TARS3: variants seen among roughly 807,000 people sequenced by gnomAD.
The protein encoded by TARS3 is threonine--tRNA ligase 2, cytoplasmic.
A neutral mutation model predicts 103.5 loss-of-function variants in TARS3; 94 were observed. That is an observed-to-expected ratio of 0.91 (90% CI 0.77 to 1.08). The LOEUF is 1.08. Among genes scored for constraint, TARS3 ranks in the 50% least tolerant of loss-of-function variants. The pLI, the probability that TARS3 is intolerant of heterozygous loss-of-function variation, is 0.00. For synonymous variants in TARS3, 416 were observed against 355.4 expected, an observed-to-expected ratio of 1.17 and a Z score of -1.92; for missense variants, 952 against 995.2, an observed-to-expected ratio of 0.96 and a Z score of 0.58.
intron 5 of TARS3, among the ~76,000 whole-genome samples, chr15:101,711,569 C>T (rs1254690688): frequency 2.0e-5 from 3 of 152,124 alleles, no homozygotes; most frequent in African/African-American, 7.2e-5. Context: ...TTTTCTCTTC[C>T]TTATGATTTT....
chr15:101,698,623 C>G (rs1426306047), intron 10 of TARS3, among the ~76,000 whole-genome samples: 2 of 152,132 alleles, frequency 1.3e-5, no homozygotes, highest in South Asian at 4.1e-4. Flanking sequence ...TCCTCAAGCA[C>G]CATTTTACAA....
chr15:101,678,475 T>C (rs1184290196), intron 12 of TARS3, among the ~76,000 whole-genome samples: 1 of 152,080 alleles, frequency 6.6e-6, no homozygotes, highest in Non-Finnish European at 1.5e-5. Context: ...AATTTATCTA[T>C]AGGTTCTCTT....
rs538558173 is a variant in TARS3, at chr15:101,712,830, T to C, written c.691-829A>G. ...AGCAAGTTACAATTAAAAAGCTGTT[T>C]GATAAAATGAATCAGGGCAGAAGGA... On this transcript the variant is annotated intron_variant, in intron 4 of 18. Coordinates refer to ENST00000335968, the MANE Select transcript of TARS3 (RefSeq NM_152334.3). Among the ~76,000 whole-genome samples, 4 of 152,348 alleles carry C rather than the reference T, an allele frequency of 2.6e-5. No homozygotes were observed. In the South Asian group the frequency reaches 8.3e-4, roughly 32 times the overall value.
At chr15:101,722,566 G>A (rs1017211409) in intron 2 of TARS3, among the ~76,000 whole-genome samples, 1 of 147,502 alleles carries the variant, frequency 6.8e-6, no homozygotes, top group African/African-American at 2.5e-5. Flanking sequence ...CAGCACTTTG[G>A]GAAGCCAAGG....
intron 6 of TARS3, 57 bp from the exon 7 acceptor site, chr15:101,705,804 A>G (rs571192449): frequency 7.3e-7 from 1 of 1,371,446 alleles, no homozygotes; most frequent in Non-Finnish European, 1.0e-6. Flanking sequence ...TGAAGAAAAC[A>G]ACTCTACTTT....
chr15:101,708,842 G>C lies in TARS3; in HGVS notation c.881C>G (p.Pro294Arg). ...ICKAIIKEKQ[P>R]FERLEVSKEI... ...CTTGCTGACTTCTAGTCTTTCAAAA[G>C]GTTGCTTTTCTTTTATGATGGCTTT... The change falls in exon 6 of 19, where the codon CCT becomes CGT. Residue 294 changes from proline to arginine, a missense_variant. Physicochemically the swap from Pro to Arg is moderately radical, Grantham distance 103. Transcript: ENST00000335968. 6.2e-7 allele frequency: 1 copy of C among 1,613,596 alleles called. No individual in the cohort carries two copies. The highest frequency in any genetic ancestry group is 2.2e-5 in the East Asian group (1 of 44,838).
chr15:101,720,132 G>A (rs746242687), intron 3 of TARS3, among the ~76,000 whole-genome samples: 1 of 152,200 alleles, frequency 6.6e-6, no homozygotes, highest in African/African-American at 2.4e-5. Context: ...GGCTGGGAGA[G>A]CATTTAACAA....
intron 12 of TARS3, among the ~76,000 whole-genome samples, chr15:101,676,980 C>T (rs1401453208): frequency 6.6e-6 from 1 of 152,124 alleles, no homozygotes; most frequent in Non-Finnish European, 1.5e-5. Flanking sequence ...CTCCGACAGG[C>T]CCCAGTGTGT....
chr15:101,683,093 T>A (rs1221047665), intron 12 of TARS3, among the ~76,000 whole-genome samples: 1 of 152,176 alleles, frequency 6.6e-6, no homozygotes, highest in Non-Finnish European at 1.5e-5. Flanking sequence ...TTTTACTCTT[T>A]ATTTTCTATT....
Position 101,714,883 on chromosome 15 carries a change from G to A in TARS3, c.647C>T (p.Ser216Phe). 6.2e-7 allele frequency: 1 copy of A among 1,613,310 alleles called. No individual in the cohort carries two copies. The highest frequency in any genetic ancestry group is 8.5e-7 in the Non-Finnish European group (1 of 1,179,574). The change falls in exon 4 of 19, where the codon TCT (serine) becomes TTT (phenylalanine). Residue 216 changes from serine to phenylalanine, a missense_variant. By Grantham distance (155) the Ser-to-Phe change is radical. Coordinates refer to ENST00000335968, the MANE Select transcript of TARS3 (RefSeq NM_152334.3). ...WDLDRPLEGD[S>F]SLELLTFDNE... Reference sequence around the variant, plus strand: ...ATCAAATGTAAGCAGCTCTAGAGAAGAGTCCCCTTCCAATGGGCGGTCCAG... The same window carrying A: ...ATCAAATGTAAGCAGCTCTAGAGAAAAGTCCCCTTCCAATGGGCGGTCCAG...
At chr15:101,661,176 A>T (rs1456576872) in intron 16 of TARS3, among the ~76,000 whole-genome samples, 1 of 152,004 alleles carries the variant, frequency 6.6e-6, no homozygotes, top group Non-Finnish European at 1.5e-5. Flanking sequence ...AAAATTCTGC[A>T]CTTTAGGACA....
intron 8 of TARS3, 69 bp from the exon 9 acceptor site, chr15:101,702,454 C>G: frequency 7.5e-7 from 1 of 1,326,272 alleles, no homozygotes; most frequent in Non-Finnish European, 1.1e-6. Context: ...CTCTTAAATA[C>G]AAATGCAATT....
At chr15:101,713,827 G>A (rs969485012) in intron 4 of TARS3, among the ~76,000 whole-genome samples, 2 of 152,174 alleles carry the variant, frequency 1.3e-5, no homozygotes, top group Non-Finnish European at 2.9e-5. Flanking sequence ...AGCTATGGCT[G>A]GAGAGTTGTG....
At chr15:101,712,090 T>A in intron 4 of TARS3, 89 bp from the exon 5 acceptor site, 1 of 1,426,580 alleles carries the variant, frequency 7.0e-7, no homozygotes, top group Non-Finnish European at 9.4e-7. Context: ...TAGAAAATTT[T>A]AAGGAGATAC....
At chr15:101,674,509 C>T (rs549244640) in intron 13 of TARS3, among the ~76,000 whole-genome samples, 1 of 152,280 alleles carries the variant, frequency 6.6e-6, no homozygotes, top group South Asian at 2.1e-4. Flanking sequence ...GTTCCAGCCA[C>T]AGTGCATGAA....
intron 10 of TARS3, among the ~76,000 whole-genome samples, chr15:101,697,935 G>A (rs537530632): frequency 1.1e-4 from 17 of 152,252 alleles, no homozygotes; most frequent in Non-Finnish European, 1.8e-4. Context: ...AAAAGGACTC[G>A]CAAAGTTTTT....
chr15:101,724,093 G>C lies in TARS3; in HGVS notation c.295C>G (p.Gln99Glu). 7.3e-7 allele frequency: 1 copy of C among 1,364,888 alleles called. No individual in the cohort carries two copies. Among genetic ancestry groups the C allele is most frequent in the Non-Finnish European group, 9.4e-7 (1 of 1,060,654 alleles). The allele number at this position is 1,364,888 out of a possible 1,614,324, so 84.5% of individuals were successfully genotyped here. A position where few individuals can be genotyped will look rare whatever the true frequency, so the allele number is the denominator to read the frequency against. The change falls in exon 1 of 19, where the codon CAG becomes GAG. Residue 99 changes from glutamine to glutamate, a missense_variant and splice_region_variant. Physicochemically the swap from Gln to Glu is conservative, Grantham distance 29. Coordinates refer to ENST00000335968, the MANE Select transcript of TARS3 (RefSeq NM_152334.3). Reference protein sequence around the residue: ...ELEAAQEAGAQPPPSQSQDKD... With the variant: ...ELEAAQEAGAEPPPSQSQDKD... ...CAGTGTCCCCACCGCCCGGTTACCT[G>C]TGCGCCGGCCTCCTGCGCCGCCTCT...
intron 3 of TARS3, among the ~76,000 whole-genome samples, chr15:101,720,668 C>T (rs1314346280): frequency 6.6e-6 from 1 of 152,076 alleles, no homozygotes; most frequent in Non-Finnish European, 1.5e-5. Flanking sequence ...AAAAAATTAG[C>T]TGATATGGTT....
chr15:101,691,294 T>A (rs59984647), intron 10 of TARS3, among the ~76,000 whole-genome samples: 4,219 of 84,408 alleles, frequency 0.05, 190 homozygotes, highest in African/African-American at 0.13. Flanking sequence ...ATATATATAT[T>A]TTTGAAACAG....
Sources: gnomAD v4.1 joint callset for allele counts (sites outside exome capture counted in the v4.1 genomes callset) on GRCh38, gnomAD v4.1.1 for gene constraint, MANE v1.5 for transcripts, NCBI Gene and HGNC (gene_info 2026-07-23, HGNC 2026-07-21) for gene names.